MGAT4C: variants seen among roughly 807,000 people sequenced by gnomAD.
MGAT4C encodes the protein alpha-1,3-mannosyl-glycoprotein 4-beta-N-acetylglucosaminyltransferase C.
In MGAT4C, 19 loss-of-function variants were observed where a neutral mutation model predicts 40.1. The ratio of observed to expected loss-of-function variants is 0.47; its 90% CI spans 0.33 to 0.70. The LOEUF (loss-of-function observed/expected upper bound fraction) is 0.70, where lower values mean the gene tolerates loss of function less well. Ranked by LOEUF, MGAT4C falls within the 30% of genes least tolerant of loss-of-function variation. MGAT4C has a pLI of 0.02. For missense variants in MGAT4C, 491 were observed against 563.2 expected (o/e 0.87, Z 1.30); for synonymous variants, 181 against 187.1 (o/e 0.97, Z 0.27).
intron 4 of MGAT4C, among the ~76,000 whole-genome samples, chr12:86,265,360 C>G (rs2136100983): frequency 6.6e-6 from 1 of 152,352 alleles, no homozygotes; most frequent in South Asian, 2.1e-4. Flanking sequence ...GATCCTGTGA[C>G]AGTTTCATTT....
intron 1 of MGAT4C, among the ~76,000 whole-genome samples, chr12:86,763,308 C>A (rs113935275): frequency 6.6e-6 from 1 of 152,146 alleles, no homozygotes. Context: ...ATATTGAAAA[C>A]TAGGTAGGGT....
chr12:86,342,909 A>G (rs1954934339), intron 3 of MGAT4C, among the ~76,000 whole-genome samples: 1 of 152,182 alleles, frequency 6.6e-6, no homozygotes. Context: ...ATCGCTGCAA[A>G]CAGAATGTAT....
At chr12:86,245,442 C>A (rs1385371789) in intron 1 of MGAT4C, among the ~76,000 whole-genome samples, 2 of 152,132 alleles carry the variant, frequency 1.3e-5, no homozygotes, top group Non-Finnish European at 2.9e-5. Context: ...CTTTTTTGAA[C>A]TTCGTTATAT....
intron 2 of MGAT4C, among the ~76,000 whole-genome samples, chr12:86,461,331 C>T (rs2406135): frequency 0.043 from 6,464 of 150,998 alleles, 193 homozygotes; most frequent in Non-Finnish European, 0.066. Flanking sequence ...CTGCAAGCTC[C>T]GCTTCCCGGG....
intron 3 of MGAT4C, among the ~76,000 whole-genome samples, chr12:86,402,280 CA>C (rs1956380503): frequency 6.6e-6 from 1 of 151,992 alleles, no homozygotes; most frequent in Non-Finnish European, 1.5e-5. Flanking sequence ...CAAAAACTAG[CA>C]AGGCGTGGTG....
At chr12:86,667,779 C>A (rs1221268190) in intron 2 of MGAT4C, among the ~76,000 whole-genome samples, 1 of 152,126 alleles carries the variant, frequency 6.6e-6, no homozygotes, top group Admixed American at 6.5e-5. Flanking sequence ...GTGTAAAAGT[C>A]TTTCTTAGTT....
At chr12:86,463,413 T>C (rs1190694347) in intron 2 of MGAT4C, among the ~76,000 whole-genome samples, 2 of 152,176 alleles carry the variant, frequency 1.3e-5, no homozygotes, top group Non-Finnish European at 2.9e-5. Context: ...TATTAAATTT[T>C]CTATAGTTCT....
At chr12:86,128,147 C>T (rs1010087353) in intron 1 of MGAT4C, among the ~76,000 whole-genome samples, 1 of 152,280 alleles carries the variant, frequency 6.6e-6, no homozygotes, top group East Asian at 1.9e-4. Flanking sequence ...ACAGCTAAGA[C>T]TTCATTAGGC....
chr12:86,496,568 A>G (rs1158805692), intron 2 of MGAT4C, among the ~76,000 whole-genome samples: 1 of 150,140 alleles, frequency 6.7e-6, no homozygotes, highest in African/African-American at 2.4e-5. Flanking sequence ...ATCTGTAAAA[A>G]TGAGATAAAT....
chr12:86,687,410 T>C (rs529653003), intron 2 of MGAT4C, among the ~76,000 whole-genome samples: 11 of 152,300 alleles, frequency 7.2e-5, no homozygotes, highest in African/African-American at 2.6e-4. Context: ...GCTTCTCTAG[T>C]TCTTTTAAGT....
At chr12:86,034,240 T>G (rs1442689311) in intron 2 of MGAT4C, among the ~76,000 whole-genome samples, 1 of 149,730 alleles carries the variant, frequency 6.7e-6, no homozygotes, top group African/African-American at 2.4e-5. Flanking sequence ...CTGCCAGGTT[T>G]CAGTATCAGG....
chr12:86,238,641 T>G (rs1951651001), intron 1 of MGAT4C, among the ~76,000 whole-genome samples: 1 of 151,982 alleles, frequency 6.6e-6, no homozygotes, highest in Non-Finnish European at 1.5e-5. Flanking sequence ...AATCAATATT[T>G]CATCCAGCAC....
At chr12:86,752,218 GT>G (rs1951239638) in intron 1 of MGAT4C, among the ~76,000 whole-genome samples, 2 of 151,978 alleles carry the variant, frequency 1.3e-5, no homozygotes, top group South Asian at 4.1e-4. Context: ...AGCTTATATT[GT>G]TGAGTTAATT....
intron 2 of MGAT4C, among the ~76,000 whole-genome samples, chr12:86,516,918 C>T (rs141763025): frequency 4.1e-4 from 63 of 152,218 alleles, no homozygotes; most frequent in Admixed American, 1.1e-3. Flanking sequence ...AAACATTATA[C>T]ACAAATGTCA....
At chr12:86,566,486 T>C (rs1221894087) in intron 2 of MGAT4C, among the ~76,000 whole-genome samples, 1 of 141,946 alleles carries the variant, frequency 7.0e-6, no homozygotes, top group African/African-American at 2.6e-5. Context: ...TGGCCTCTTG[T>C]GGGACTTTGT....
intron 1 of MGAT4C, among the ~76,000 whole-genome samples, chr12:86,809,351 A>G (rs1399946150): frequency 1.3e-5 from 2 of 152,078 alleles, no homozygotes; most frequent in African/African-American, 2.4e-5. Context: ...TCTAATGATA[A>G]AAACTACCAT....
At chr12:86,318,764 C>G (rs1279247367) in intron 4 of MGAT4C, among the ~76,000 whole-genome samples, 1 of 152,058 alleles carries the variant, frequency 6.6e-6, no homozygotes, top group Non-Finnish European at 1.5e-5. Flanking sequence ...ACCATCCCAA[C>G]GGCACATCTT....
chr12:86,019,998 T>C (rs1321027210), intron 2 of MGAT4C, among the ~76,000 whole-genome samples: 1 of 152,188 alleles, frequency 6.6e-6, no homozygotes, highest in Non-Finnish European at 1.5e-5. Flanking sequence ...TGTTGGTCTG[T>C]TATTGTTGTA....
chr12:86,578,516 A>C, intron 2 of MGAT4C, among the ~76,000 whole-genome samples: 1 of 151,794 alleles, frequency 6.6e-6, no homozygotes, highest in East Asian at 1.9e-4. Flanking sequence ...CTTTGCAGGG[A>C]AACTTTTTAT....
Sources: gnomAD v4.1 joint callset for allele counts (sites outside exome capture counted in the v4.1 genomes callset) on GRCh38, gnomAD v4.1.1 for gene constraint, MANE v1.5 for transcripts, NCBI Gene and HGNC (gene_info 2026-07-23, HGNC 2026-07-21) for gene names.